The following SPTBN4 variants were observed in gnomAD, a reference collection of about 807,000 sequenced individuals.
The protein encoded by SPTBN4 is spectrin beta chain, non-erythrocytic 4.
A neutral mutation model predicts 277.8 loss-of-function variants in SPTBN4; 96 were observed. The observed-to-expected ratio is 0.35, with a 90% CI of 0.29 to 0.41. The LOEUF (loss-of-function observed/expected upper bound fraction) is 0.41, where lower values mean the gene tolerates loss of function less well. Ranked by LOEUF, SPTBN4 falls within the 10% of genes least tolerant of loss-of-function variation. The pLI, the probability that SPTBN4 is intolerant of heterozygous loss-of-function variation, is 1.00. For synonymous variants in SPTBN4, 1,481 were observed against 1,580.3 expected, an observed-to-expected ratio of 0.94 and a Z score of 1.49; for missense variants, 3,006 against 3,595.7, an observed-to-expected ratio of 0.84 and a Z score of 4.19.
chr19:40,518,659 A>G (rs1048876810), intron 15 of SPTBN4, among the ~76,000 whole-genome samples: 6 of 152,120 alleles, frequency 3.9e-5, no homozygotes, highest in Non-Finnish European at 1.5e-5. Flanking sequence ...CCTGAGCTCA[A>G]GCGATCCACC....
chr19:40,536,469 C>G (rs774490134), intron 20 of SPTBN4, among the ~76,000 whole-genome samples: 7 of 152,072 alleles, frequency 4.6e-5, no homozygotes, highest in Admixed American at 6.6e-5. Flanking sequence ...CCGCCTTGGC[C>G]TCCCAAAGTA....
At chr19:40,517,456 C>G (rs560700317) in intron 15 of SPTBN4, among the ~76,000 whole-genome samples, 1 of 152,036 alleles carries the variant, frequency 6.6e-6, no homozygotes, top group East Asian at 1.9e-4. Flanking sequence ...CCACTGCACC[C>G]GGCTAATTTT....
At chr19:40,530,214 C>G (rs186048590) in intron 18 of SPTBN4, among the ~76,000 whole-genome samples, 2 of 152,124 alleles carry the variant, frequency 1.3e-5, no homozygotes, top group East Asian at 3.9e-4. Context: ...ATCCCCACTC[C>G]CTTAGTGAGG....
chr19:40,514,051 C>T (rs761163317), intron 14 of SPTBN4, among the ~76,000 whole-genome samples: 1 of 152,220 alleles, frequency 6.6e-6, no homozygotes, highest in South Asian at 2.1e-4. Flanking sequence ...CTTTGTAGCA[C>T]TTACCATCCC....
At chr19:40,482,908 C>T (rs1482832400) in intron 2 of SPTBN4, among the ~76,000 whole-genome samples, 1 of 151,872 alleles carries the variant, frequency 6.6e-6, no homozygotes, top group Non-Finnish European at 1.5e-5. Context: ...TTGCAATGAG[C>T]CAAGATTACA....
At chr19:40,524,523 T>G (rs769774247) in intron 17 of SPTBN4, 2 of 445,732 alleles carry the variant, frequency 4.5e-6, no homozygotes, top group Non-Finnish European at 9.0e-6. Flanking sequence ...AAAAAAAAAA[T>G]GTGTTAACTT....
In SPTBN4 at chr19:40,571,089, T is replaced by G. The variant is rs2081152638; in HGVS notation, c.7319+361T>G. ...AGGTGGGAACAGAAGGAAAATGTTC[T>G]GAAAGTGAGTAAATTGGAACCTAAC... On this transcript the variant is annotated intron_variant, in intron 33 of 35. Transcript: ENST00000598249. The G allele has an allele frequency of 1.4e-5, 3 of 215,696 alleles. No homozygotes were observed. In the South Asian group the frequency reaches 2.1e-4, roughly 15 times the overall value. The allele number at this position is 215,696 out of a possible 1,614,324, so 13.4% of individuals were successfully genotyped here. A position where few individuals can be genotyped will look rare whatever the true frequency, so the allele number is the denominator to read the frequency against.
intron 20 of SPTBN4, among the ~76,000 whole-genome samples, chr19:40,541,004 CA>C (rs2080795742): frequency 6.6e-6 from 1 of 152,074 alleles, no homozygotes; most frequent in African/African-American, 2.4e-5. Context: ...TCGTCCTTGC[CA>C]ACACTTGGTT....
intron 17 of SPTBN4, 27 bp from the exon 18 acceptor site, chr19:40,529,014 C>T: frequency 1.2e-6 from 2 of 1,603,418 alleles, no homozygotes; most frequent in Non-Finnish European, 1.7e-6. Flanking sequence ...CGGGGCCTTT[C>T]CCCAGCCCTT....
Position 40,497,585 on chromosome 19 carries a change from G to T in SPTBN4, c.765G>T (p.Ala255=). 1 of 1,613,816 alleles carries T rather than the reference G, an allele frequency of 6.2e-7. No individual in the cohort carries two copies. Among genetic ancestry groups the T allele is most frequent in the African/African-American group, 1.3e-5 (1 of 75,034 alleles). Residue 255 remains alanine (A), a synonymous_variant, in exon 7 of 36, where the codon GCG becomes GCT. Coordinates refer to ENST00000598249, the MANE Select transcript of SPTBN4 (RefSeq NM_020971.3). ...FRTAEQHLGL[A]RLLDPEDVNM... is the part of the protein sequence containing the mutation. ...CAGCTGAGCAGCACCTGGGGCTGGC[G>T]CGGCTGCTGGATCCTGAAGGTGAGC...
chr19:40,525,071 C>A (rs556416136), intron 17 of SPTBN4, among the ~76,000 whole-genome samples: 4 of 152,146 alleles, frequency 2.6e-5, no homozygotes, highest in African/African-American at 9.6e-5. Flanking sequence ...AGAAGGGGAC[C>A]CAGTACCCCT....
chr19:40,502,538 G>A lies in SPTBN4; in HGVS notation c.1203+31G>A, dbSNP rs372605162. On this transcript the variant is annotated intron_variant, in intron 10 of 35. Coordinates refer to ENST00000598249, the MANE Select transcript of SPTBN4 (RefSeq NM_020971.3). The surrounding 1 kb of genome is among the most constrained non-coding windows in gnomAD (Gnocchi z 4.9). ...GCCGGGGATGCAGGGGAGAGGCGGG[G>A]TTGCACTGTGGAGTTGTATAGGTTG... 6.9e-6 allele frequency: 11 copies of A among 1,583,782 alleles called. No homozygotes were observed. The highest frequency in any genetic ancestry group is 3.4e-4 in the Middle Eastern group (2 of 5,956).
At chr19:40,473,374 T>TTTTTTTTA (rs2079909466) in intron 2 of SPTBN4, among the ~76,000 whole-genome samples, 13 of 146,766 alleles carry the variant, frequency 8.9e-5, no homozygotes, top group Non-Finnish European at 1.2e-4. Flanking sequence ...TTTTTTTTTT[T>TTTTTTTTA]GAGACGGAGT....
At position 40,492,944 on chromosome 19, in the gene SPTBN4, A is replaced by G. The variant is rs1239735103; in HGVS notation, c.496-19A>G. 3 of 1,612,914 alleles carry G rather than the reference A, an allele frequency of 1.9e-6. No individual in the cohort carries two copies. Among genetic ancestry groups the G allele is most frequent in the Admixed American group, 1.7e-5 (1 of 59,996 alleles). On this transcript the variant is annotated intron_variant, in intron 4 of 35. Transcript: ENST00000598249. ...TCAAGCTCTCCAGGCCCTGGTAGCC[A>G]TTTTTTGTATCTTCACAGATTCAAG...
At position 40,560,171 on chromosome 19, in the gene SPTBN4, C is replaced by G; in HGVS notation, c.5683C>G (p.Gln1895Glu). 1.9e-6 allele frequency: 3 copies of G among 1,596,464 alleles called. No homozygotes were observed. The highest frequency in any genetic ancestry group is 2.5e-6 in the Non-Finnish European group (3 of 1,176,518). The change falls in exon 27 of 36, where the codon CAG becomes GAG. Residue 1895 changes from glutamine (Q) to glutamate (E), a missense_variant. By Grantham distance (29) the Gln-to-Glu change is conservative. Around this residue, in one of 5 missense-constraint regions of SPTBN4, gnomAD observed 425 missense variants for 594.7 expected, o/e 0.71. Transcript: ENST00000598249. The surrounding 1 kb of genome is among the most constrained non-coding windows in gnomAD (Gnocchi z 5.2). ...GCATGCCCTTCAGGTACGGCAGCTGCAGGAGGGGGCGGCCCAGCTGCGGAC... is the reference window on the plus strand; with the variant it reads ...GCATGCCCTTCAGGTACGGCAGCTGGAGGAGGGGGCGGCCCAGCTGCGGAC... ...QLLVSQVRQL[Q>E]EGAAQLRTVY...
intron 16 of SPTBN4, 126 bp downstream of exon 16, chr19:40,520,277 G>A: frequency 9.4e-7 from 1 of 1,066,094 alleles, no homozygotes. Context: ...GAGGTGGGTG[G>A]GAGGTGAGAG....
chr19:40,504,851 C>CAA (rs113849503), intron 12 of SPTBN4, among the ~76,000 whole-genome samples: 21 of 147,938 alleles, frequency 1.4e-4, no homozygotes, highest in African/African-American at 5.2e-4. Flanking sequence ...GATTCTGTTT[C>CAA]AAAAAAAAAG....
At position 40,519,512 on chromosome 19, in the gene SPTBN4, G is replaced by A. The variant is rs1205082218; in HGVS notation, c.3015G>A (p.Glu1005=). The A allele has an allele frequency of 1.9e-6, 3 of 1,608,112 alleles. No individual in the cohort carries two copies. The highest frequency in any genetic ancestry group is 2.3e-5 in the East Asian group (1 of 44,102). Reference sequence around the variant, plus strand: ...CCGAGGTGCGCGCCCAGGTGCGTGAGAAGCGGAGAGCTGTGGAGAGCGCGC... The same window carrying A: ...CCGAGGTGCGCGCCCAGGTGCGTGAAAAGCGGAGAGCTGTGGAGAGCGCGC... ...EVAEVRAQVR[E]KRRAVESAPR... The change falls in exon 16 of 36, where the codon GAG becomes GAA. Residue 1005 remains glutamate (E), a synonymous_variant. Transcript: ENST00000598249. The surrounding 1 kb of genome is among the most constrained non-coding windows in gnomAD (Gnocchi z 5.7).
In SPTBN4 at chr19:40,532,617, C is replaced by A. The variant is rs2080689497; in HGVS notation, c.3949-8C>A. On this transcript the variant is annotated splice_polypyrimidine_tract_variant and splice_region_variant and intron_variant, in intron 18 of 35. Coordinates refer to ENST00000598249, the MANE Select transcript of SPTBN4 (RefSeq NM_020971.3). Reference sequence around the variant, plus strand: ...ACCAGCTGAGCCCTCCTGCCCTGTTCTGCACAGCTGGATGGCTGGATCCAT... The same window carrying A: ...ACCAGCTGAGCCCTCCTGCCCTGTTATGCACAGCTGGATGGCTGGATCCAT... 6.2e-7 allele frequency: 1 copy of A among 1,611,884 alleles called. No homozygotes were observed. The highest frequency in any genetic ancestry group is 8.5e-7 in the Non-Finnish European group (1 of 1,178,848).
Sources: gnomAD v4.1 joint callset for allele counts (sites outside exome capture counted in the v4.1 genomes callset) on GRCh38, gnomAD v4.1.1 for gene constraint, gnomAD v4.1.1 regional missense constraint, Gnocchi (gnomAD v3.1) non-coding constraint, MANE v1.5 for transcripts, NCBI Gene and HGNC (gene_info 2026-07-23, HGNC 2026-07-21) for gene names.